The following PREX1 variants were observed in gnomAD, a reference collection of about 807,000 sequenced individuals.
PREX1 encodes phosphatidylinositol-3,4,5-trisphosphate dependent Rac exchange factor 1.
Under a neutral mutation model 198.3 loss-of-function variants are expected in PREX1, and 41 were observed. The ratio of observed to expected loss-of-function variants is 0.21; its 90% CI spans 0.16 to 0.27. The LOEUF (loss-of-function observed/expected upper bound fraction) is 0.27, where lower values mean the gene tolerates loss of function less well. PREX1 is among the 10% of genes least tolerant of loss of function. The probability of loss-of-function intolerance (pLI) is 1.00; values close to 1 mark genes in which losing one functional copy is unlikely to be tolerated. For synonymous variants in PREX1, 843 were observed against 887.2 expected, an observed-to-expected ratio of 0.95 and a Z score of 0.89; for missense variants, 1,620 against 2,200.7, an observed-to-expected ratio of 0.74 and a Z score of 5.28.
Position 48,693,993 on chromosome 20 carries a change from C to A in PREX1, c.918-1203G>T, listed in dbSNP as rs558928625. ...GTGGCACAATCTCATCCCACTGCAA[C>A]CTCCACCTCCCAGGTTCAAGCGATT... On this transcript the variant is annotated intron_variant, in intron 7 of 39. Coordinates refer to ENST00000371941, the MANE Select transcript of PREX1 (RefSeq NM_020820.4). Among the ~76,000 whole-genome samples the A allele has an allele frequency of 2.6e-5, 4 of 152,150 alleles. No homozygotes were observed. In the South Asian group the frequency reaches 8.3e-4, roughly 32 times the overall value.
chr20:48,640,987 T>C (rs532131896), intron 29 of PREX1, among the ~76,000 whole-genome samples: 58 of 151,310 alleles, frequency 3.8e-4, no homozygotes, highest in African/African-American at 1.4e-3. Context: ...AGTGGGTGAA[T>C]GGATGGATAG....
At chr20:48,630,622 G>C in intron 36 of PREX1, 106 bp downstream of exon 36, 1 of 999,606 alleles carries the variant, frequency 1.0e-6, no homozygotes, top group Middle Eastern at 2.2e-4. Context: ...AGGGCTTTGG[G>C]GCTAGAATCT....
At chr20:48,642,952 C>CAA (rs1202708157) in intron 27 of PREX1, among the ~76,000 whole-genome samples, 1 of 152,156 alleles carries the variant, frequency 6.6e-6, no homozygotes, top group Non-Finnish European at 1.5e-5. Flanking sequence ...TCTTTTTCTT[C>CAA]TGTTAATTGA....
chr20:48,813,816 G>A (rs1374175576), intron 1 of PREX1, among the ~76,000 whole-genome samples: 1 of 152,162 alleles, frequency 6.6e-6, no homozygotes, highest in Non-Finnish European at 1.5e-5. Flanking sequence ...AATATATGCA[G>A]CCAGGTATAC....
At chr20:48,771,317 T>C (rs1224948912) in intron 1 of PREX1, among the ~76,000 whole-genome samples, 1 of 151,390 alleles carries the variant, frequency 6.6e-6, no homozygotes, top group Non-Finnish European at 1.5e-5. Flanking sequence ...ACCTGGTACA[T>C]AAAAGTATCT....
chr20:48,870,937 T>G, the PREX1 span, among the ~76,000 whole-genome samples: 1 of 12,378 alleles, frequency 8.1e-5, no homozygotes, highest in Non-Finnish European at 1.4e-4. Flanking sequence ...GGCAACAGAG[T>G]GAGACTCCAT....
At chr20:48,764,086 C>G (rs1880547885) in intron 1 of PREX1, among the ~76,000 whole-genome samples, 1 of 152,190 alleles carries the variant, frequency 6.6e-6, no homozygotes, top group Non-Finnish European at 1.5e-5. Flanking sequence ...CTTGCGATCT[C>G]AGCTTCCCTG....
intron 10 of PREX1, among the ~76,000 whole-genome samples, chr20:48,686,816 C>T (rs976276591): frequency 2.0e-5 from 3 of 152,206 alleles, no homozygotes; most frequent in Non-Finnish European, 4.4e-5. Context: ...AACCCTTCTA[C>T]TTGCTGCCCC....
chr20:48,676,174 C>A lies in PREX1; in HGVS notation c.1665+19G>T. The A allele has an allele frequency of 1.3e-5, 21 of 1,609,748 alleles. No individual in the cohort carries two copies. The highest frequency in any genetic ancestry group is 1.8e-5 in the Non-Finnish European group (21 of 1,176,068). ...GACAAAGCAGAACACTGGTCACACA[C>A]CCCTGAGGAGGCCCTCACCTGAGCC... On this transcript the variant is annotated intron_variant, in intron 14 of 39. Transcript: ENST00000371941.
At chr20:48,715,848 C>A (rs1321295580) in intron 5 of PREX1, among the ~76,000 whole-genome samples, 1 of 152,110 alleles carries the variant, frequency 6.6e-6, no homozygotes, top group Admixed American at 6.5e-5. Flanking sequence ...TCATTTCATC[C>A]TCGAATCATC....
intron 1 of PREX1, among the ~76,000 whole-genome samples, chr20:48,779,954 G>A (rs1411604600): frequency 2.0e-5 from 3 of 152,132 alleles, no homozygotes; most frequent in Non-Finnish European, 4.4e-5. Flanking sequence ...CTCTACATAT[G>A]TGTTAAAATT....
chr20:48,800,272 GC>G (rs138450899), intron 1 of PREX1, among the ~76,000 whole-genome samples: 8,442 of 152,142 alleles, frequency 0.055, 304 homozygotes, highest in African/African-American at 0.093. Flanking sequence ...GACATTAAGG[GC>G]CTGGATTTAT....
At chr20:48,882,243 C>T in the PREX1 span, among the ~76,000 whole-genome samples, 3 of 152,050 alleles carry the variant, frequency 2.0e-5, no homozygotes, top group African/African-American at 7.2e-5. Flanking sequence ...TGGCTCACGC[C>T]TGTAATCCCA....
rs1473239615 is a variant in PREX1 at position 48,698,572 on chromosome 20, TAGAC to T, written c.917+2177_917+2180del. On this transcript the variant is annotated intron_variant, in intron 7 of 39. Coordinates refer to ENST00000371941, the MANE Select transcript of PREX1 (RefSeq NM_020820.4). ...CATGAGGGGACAGCAGGACGTGAGA[TAGAC>T]AGACCTCAAGGAGTGGGCGAGAATG... Among the ~76,000 whole-genome samples, 21 of 152,034 alleles carry T rather than the reference TAGAC, an allele frequency of 1.4e-4. No homozygotes were observed. In the East Asian group the frequency reaches 2.5e-3, roughly 18 times the overall value.
At chr20:48,822,860 T>A (rs2090492672) in intron 1 of PREX1, among the ~76,000 whole-genome samples, 1 of 152,168 alleles carries the variant, frequency 6.6e-6, no homozygotes, top group African/African-American at 2.4e-5. Flanking sequence ...GAGGACCACG[T>A]GAAAATCCCC....
At chr20:48,760,540 G>A (rs578142562) in intron 1 of PREX1, among the ~76,000 whole-genome samples, 2 of 152,088 alleles carry the variant, frequency 1.3e-5, no homozygotes, top group African/African-American at 2.4e-5. Context: ...AAACAAAAAG[G>A]GGGGGAGGAG....
At chr20:48,820,435 G>C (rs769875033) in intron 1 of PREX1, among the ~76,000 whole-genome samples, 1 of 152,316 alleles carries the variant, frequency 6.6e-6, no homozygotes, top group South Asian at 2.1e-4. Flanking sequence ...AAGGTGGCTC[G>C]AGAGTCTGTG....
At chr20:48,730,278 CT>C (rs1001193153) in intron 4 of PREX1, among the ~76,000 whole-genome samples, 3 of 152,116 alleles carry the variant, frequency 2.0e-5, no homozygotes, top group African/African-American at 7.2e-5. Flanking sequence ...TCATTCATGC[CT>C]CTGCTCAAAA....
intron 5 of PREX1, among the ~76,000 whole-genome samples, chr20:48,713,215 G>T (rs1441910143): frequency 6.6e-6 from 1 of 152,190 alleles, no homozygotes; most frequent in Non-Finnish European, 1.5e-5. Context: ...ACTTTGGGAA[G>T]CCAAGGCGGG....
Sources: allele counts gnomAD v4.1 joint callset (sites outside exome capture counted in the v4.1 genomes callset), GRCh38; gene constraint gnomAD v4.1.1; transcripts MANE v1.5; gene names NCBI Gene and HGNC (gene_info 2026-07-23, HGNC 2026-07-21).